The following PCDHGA6 variants were observed in gnomAD, a reference collection of about 807,000 sequenced individuals.
PCDHGA6 encodes protocadherin gamma subfamily A, 6.
In PCDHGA6, 41 loss-of-function variants were observed where a neutral mutation model predicts 60.6. That is an observed-to-expected ratio of 0.68 (90% CI 0.53 to 0.88). The LOEUF is 0.88. Ranked by LOEUF, PCDHGA6 falls within the 40% of genes least tolerant of loss-of-function variation. The pLI is 0.00. For missense variants in PCDHGA6, 1,312 were observed against 1,203.0 expected, an observed-to-expected ratio of 1.09 and a Z score of -1.34; for synonymous variants, 594 against 524.4, an observed-to-expected ratio of 1.13 and a Z score of -1.81.
chr5:141,472,878 C>G (rs774209715), intron 1 of PCDHGA6, among the ~76,000 whole-genome samples: 1 of 146,132 alleles, frequency 6.8e-6, no homozygotes, highest in East Asian at 2.1e-4. Context: ...CCCAGCTACT[C>G]GGGAGGCTGA....
At chr5:141,443,872 A>C (rs1446612063) in intron 1 of PCDHGA6, among the ~76,000 whole-genome samples, 4 of 152,212 alleles carry the variant, frequency 2.6e-5, no homozygotes, top group African/African-American at 9.7e-5. Flanking sequence ...AAAATTACTG[A>C]TAAGTCAAGA....
rs115990854 is a variant in PCDHGA6 at position 141,433,033 on chromosome 5, C to T, written c.2424+56526C>T. On this transcript the variant is annotated intron_variant, in intron 1 of 3. Coordinates refer to ENST00000517434, the MANE Select transcript of PCDHGA6 (RefSeq NM_018919.3). ...TGCAGACCTATTCCCACGAGGTTTC[C>T]CTCACCACGGACTCGCGGAAGAGTC... The T allele has an allele frequency of 6.4e-3, 10,342 of 1,614,162 alleles. 43 individuals are homozygous for T. The highest frequency in any genetic ancestry group is 8.6e-3 in the Middle Eastern group (52 of 6,062).
At chr5:141,395,517 T>G in intron 1 of PCDHGA6, 2 of 415,414 alleles carry the variant, frequency 4.8e-6, no homozygotes, top group Non-Finnish European at 4.3e-6. Context: ...TAGCTACCCG[T>G]CCATACTGGT....
At chr5:141,413,132 A>G in intron 1 of PCDHGA6, 1 of 1,542,144 alleles carries the variant, frequency 6.5e-7, no homozygotes, top group Non-Finnish European at 8.7e-7. Context: ...GAAACACACA[A>G]CGTGTCCAGT....
At position 141,373,914 on chromosome 5, in the gene PCDHGA6, G is replaced by C. The variant is rs1769957437; in HGVS notation, c.-170G>C. The C allele has an allele frequency of 1.6e-6, 1 of 640,042 alleles. No individual in the cohort carries two copies. The highest frequency in any genetic ancestry group is 1.9e-5 in the African/African-American group (1 of 53,718). The allele number at this position is 640,042 out of a possible 1,614,324, so 39.6% of individuals were successfully genotyped here. On this transcript the variant is annotated 5_prime_UTR_variant, in exon 1 of 4. Transcript: ENST00000517434. ...TCAAGTTACATCCTCCAACAACAAAGCAAATTAGACGGGAAAGCAGGAAAG... is the reference window on the plus strand; with the variant it reads ...TCAAGTTACATCCTCCAACAACAAACCAAATTAGACGGGAAAGCAGGAAAG...
At chr5:141,509,544 A>AT (rs1312201678) in intron 3 of PCDHGA6, among the ~76,000 whole-genome samples, 1 of 152,150 alleles carries the variant, frequency 6.6e-6, no homozygotes, top group Non-Finnish European at 1.5e-5. Context: ...GCACCATCTC[A>AT]TTTAGTCCTC....
chr5:141,376,908 C>T, intron 1 of PCDHGA6: 1 of 187,054 alleles, frequency 5.3e-6, no homozygotes, highest in Non-Finnish European at 1.1e-5. Flanking sequence ...AGGATGGTCT[C>T]GATCTCCTGA....
chr5:141,422,928 C>T lies in PCDHGA6; in HGVS notation c.2424+46421C>T, dbSNP rs781145334. 4 of 1,614,128 alleles carry T rather than the reference C, an allele frequency of 2.5e-6. No individual in the cohort carries two copies. In the African/African-American group the frequency reaches 4.0e-5, roughly 16 times the overall value. On this transcript the variant is annotated intron_variant, in intron 1 of 3. Transcript: ENST00000517434. ...ATGCGCCCGAGATCCTGTACCCTGC[C>T]CTCCCCACAGACGGCTCCACTGGCG...
chr5:141,487,616 G>A lies in PCDHGA6; in HGVS notation c.2425-7191G>A. On this transcript the variant is annotated intron_variant, in intron 1 of 3. Transcript: ENST00000517434. This position sits in a 1 kb window ranked among gnomAD's most constrained non-coding sequence, Gnocchi z 5.0. ...CTCTGATCTTCTCTATGGGCTAGAG[G>A]TGAGACCTTTGCAGGCTCAACAAAT... 2 of 1,614,220 alleles carry A rather than the reference G, an allele frequency of 1.2e-6. No homozygotes were observed. The highest frequency in any genetic ancestry group is 1.7e-6 in the Non-Finnish European group (2 of 1,180,044).
In PCDHGA6 at chr5:141,486,334, C is replaced by T; in HGVS notation, c.2425-8473C>T. 1.2e-6 allele frequency: 2 copies of T among 1,614,098 alleles called. No individual in the cohort carries two copies. ...CAGGGTCAAACGGAGATGTGAGCCT[C>T]CGCATTCCTGACCACTTGCCATTTG... On this transcript the variant is annotated intron_variant, in intron 1 of 3. Coordinates refer to ENST00000517434, the MANE Select transcript of PCDHGA6 (RefSeq NM_018919.3). This position sits in a 1 kb window ranked among gnomAD's most constrained non-coding sequence, Gnocchi z 5.0.
chr5:141,403,879 T>C (rs981085034), intron 1 of PCDHGA6: 19 of 1,613,692 alleles, frequency 1.2e-5, no homozygotes, highest in Non-Finnish European at 1.6e-5. Context: ...GTCTAGATTA[T>C]GAAGAATGTT....
Position 141,375,743 on chromosome 5 carries a change from G to C in PCDHGA6, c.1660G>C (p.Asp554His). The change falls in exon 1 of 4, where the codon GAC becomes CAC. Residue 554 changes from aspartate to histidine, a missense_variant. Transcript: ENST00000517434. ...CGTGTCACTGAGCCTGTTTGTGCTG[G>C]ACCAGAATGACAATGCGCCCGAGAT... ...SNVSLSLFVL[D>H]QNDNAPEILY... 2 of 1,614,238 alleles carry C rather than the reference G, an allele frequency of 1.2e-6. No individual in the cohort carries two copies. Among genetic ancestry groups the C allele is most frequent in the East Asian group, 2.2e-5 (1 of 44,880 alleles).
intron 1 of PCDHGA6, among the ~76,000 whole-genome samples, chr5:141,475,299 T>C (rs1227132122): frequency 6.6e-6 from 1 of 152,204 alleles, no homozygotes; most frequent in Non-Finnish European, 1.5e-5. Context: ...AAATTTCTTA[T>C]TGCTCCCTGG....
chr5:141,399,796 C>A (rs62621781), intron 1 of PCDHGA6: 1 of 1,613,212 alleles, frequency 6.2e-7, no homozygotes. Context: ...CAACGCACCG[C>A]GGGTGCTGTA....
intron 1 of PCDHGA6, chr5:141,382,969 TG>T (rs1561593500): frequency 9.9e-6 from 16 of 1,609,418 alleles, no homozygotes; most frequent in Non-Finnish European, 1.4e-5. Flanking sequence ...GGGGACCCCC[TG>T]GGAAGCCTGG....
At position 141,490,745 on chromosome 5, in the gene PCDHGA6, C is replaced by A. The variant is rs769031787; in HGVS notation, c.2425-4062C>A. 1 of 1,614,238 alleles carries A rather than the reference C, an allele frequency of 6.2e-7. No homozygotes were observed. Among genetic ancestry groups the A allele is most frequent in the Non-Finnish European group, 8.5e-7 (1 of 1,180,042 alleles). ...GTAGGAAATCAGGTTCAGGGAGCCCCAGCCTCCTCCTTTGTGTATGTCAAC... is the reference window on the plus strand; with the variant it reads ...GTAGGAAATCAGGTTCAGGGAGCCCAAGCCTCCTCCTTTGTGTATGTCAAC... On this transcript the variant is annotated intron_variant, in intron 1 of 3. Transcript: ENST00000517434. The surrounding 1 kb of genome is among the most constrained non-coding windows in gnomAD (Gnocchi z 5.4).
chr5:141,410,849 C>CTTTTTTTTTGTTTTTTTT (rs2095433801), intron 1 of PCDHGA6: 1 of 129,786 alleles, frequency 7.7e-6, no homozygotes, highest in African/African-American at 6.0e-5. Context: ...TTGTCTTTGT[C>CTTTTTTTTTGTTTTTTTT]TTTTTTTTTT....
intron 1 of PCDHGA6, among the ~76,000 whole-genome samples, chr5:141,462,382 C>T (rs80320684): frequency 0.016 from 2,433 of 152,148 alleles, 70 homozygotes; most frequent in African/African-American, 0.055. Flanking sequence ...CTTTTAAATT[C>T]GTTAACATTT....
At position 141,491,960 on chromosome 5, in the gene PCDHGA6, A is replaced by T. The variant is rs1380758016; in HGVS notation, c.2425-2847A>T. The T allele has an allele frequency of 1.0e-6, 1 of 984,842 alleles. No individual in the cohort carries two copies. The highest frequency in any genetic ancestry group is 3.0e-5 in the East Asian group (1 of 33,312). 61.0% of individuals were successfully genotyped at this position (984,842 alleles called of 1,614,324 possible). A position where few individuals can be genotyped will look rare whatever the true frequency, so the allele number is the denominator to read the frequency against. On this transcript the variant is annotated intron_variant, in intron 1 of 3. Coordinates refer to ENST00000517434, the MANE Select transcript of PCDHGA6 (RefSeq NM_018919.3). The surrounding 1 kb of genome is among the most constrained non-coding windows in gnomAD (Gnocchi z 6.9). ...CGACCCCCACCCCTACACTCAAAAA[A>T]GGCCGGGGCCTCCTTCGAGCTTCCG...
Sources: allele counts gnomAD v4.1 joint callset (sites outside exome capture counted in the v4.1 genomes callset), GRCh38; gene constraint gnomAD v4.1.1; non-coding constraint Gnocchi (gnomAD v3.1); transcripts MANE v1.5; gene names NCBI Gene and HGNC (gene_info 2026-07-23, HGNC 2026-07-21).